Variants in PRDM8 observed in about 807,000 individuals in gnomAD.
The protein encoded by PRDM8 is PR domain zinc finger protein 8.
A neutral mutation model predicts 46.5 loss-of-function variants in PRDM8; 13 were observed. The ratio of observed to expected loss-of-function variants is 0.28; its 90% confidence interval spans 0.18 to 0.44. The LOEUF is 0.44. PRDM8 is among the 20% of genes least tolerant of loss of function. PRDM8 has a pLI of 1.00. For missense variants in PRDM8, 998 were observed against 955.0 expected (o/e 1.04, Z -0.59); for synonymous variants, 473 against 438.4 (o/e 1.08, Z -0.98).
chr4:80,193,795 T>TC (rs1176988699), upstream of PRDM8, among the ~76,000 whole-genome samples: 1 of 151,546 alleles, frequency 6.6e-6, no homozygotes, highest in South Asian at 2.1e-4. Context: ...GTGGGTTTTT[T>TC]CCCCCCCTTT....
intron 1 of PRDM8, among the ~76,000 whole-genome samples, chr4:80,189,193 G>A (rs1394201051): frequency 6.6e-6 from 1 of 152,208 alleles, no homozygotes; most frequent in East Asian, 1.9e-4. Context: ...CGGCGCTGGA[G>A]TTTACCATCA....
chr4:80,202,239 A>C lies in PRDM8; in HGVS notation c.777A>C (p.Thr259=). 1 of 1,609,914 alleles carries C rather than the reference A, an allele frequency of 6.2e-7. No individual in the cohort carries two copies. Among genetic ancestry groups the C allele is most frequent in the South Asian group, 1.1e-5 (1 of 90,964 alleles). Reference sequence around the variant, plus strand: ...GCGGCAGCAGCGCGAAGCCATCCACAGACTTCCACAACCTGGCCAGGGAGC... The same window carrying C: ...GCGGCAGCAGCGCGAAGCCATCCACCGACTTCCACAACCTGGCCAGGGAGC... ...AAGGSSAKPS[T]DFHNLARELE... is the part of the protein sequence containing the mutation. Residue 259 remains threonine, a synonymous_variant, in exon 4 of 4, where the codon ACA becomes ACC. Coordinates refer to ENST00000415738, the MANE Select transcript of PRDM8 (RefSeq NM_001099403.2).
rs1211529205 is a variant in PRDM8, at chr4:80,202,309, C to A, written c.847C>A (p.Leu283Ile). Residue 283 changes from leucine (L) to isoleucine (I), a missense_variant, in exon 4 of 4, where the codon CTC becomes ATC. By Grantham distance (5) the Leu-to-Ile change is conservative. Coordinates refer to ENST00000415738, the MANE Select transcript of PRDM8 (RefSeq NM_001099403.2). Reference sequence around the variant, plus strand: ...CAGCAGCTGCTCCCCAGCCCAGAGCCTCAGCAGCGGTAGCGGCAGCGGCGG... The same window carrying A: ...CAGCAGCTGCTCCCCAGCCCAGAGCATCAGCAGCGGTAGCGGCAGCGGCGG... ...GGSSCSPAQS[L>I]SSGSGSGGGG... The A allele has an allele frequency of 1.2e-6, 2 of 1,603,666 alleles. No homozygotes were observed. The highest frequency in any genetic ancestry group is 2.8e-5 in the African/African-American group (2 of 72,442).
intron 1 of PRDM8, among the ~76,000 whole-genome samples, chr4:80,186,750 T>C (rs1737125550): frequency 6.6e-6 from 1 of 152,236 alleles, no homozygotes; most frequent in African/African-American, 2.4e-5. Context: ...GCCCTTTAGA[T>C]GCCTCTTCCG....
At chr4:80,188,548 TCAAA>T (rs898669035) in intron 1 of PRDM8, among the ~76,000 whole-genome samples, 1 of 152,194 alleles carries the variant, frequency 6.6e-6, no homozygotes, top group African/African-American at 2.4e-5. Flanking sequence ...TGTAATTTGC[TCAAA>T]CACACAGGTA....
intron 1 of PRDM8, among the ~76,000 whole-genome samples, chr4:80,187,275 T>C (rs1265882696): frequency 6.9e-6 from 1 of 144,830 alleles, no homozygotes; most frequent in Non-Finnish European, 1.5e-5. Context: ...AATATCATCT[T>C]GAATGCTGTT....
rs762021094 is a variant in PRDM8 at position 80,203,139 on chromosome 4, C to G, written c.1677C>G (p.Cys559Trp). The G allele has an allele frequency of 1.3e-6, 2 of 1,555,884 alleles. No homozygotes were observed. Among genetic ancestry groups the G allele is most frequent in the Admixed American group, 1.9e-5 (1 of 53,892 alleles). ...LQGAADLNGG[C>W]GSLPSGGGGL... ...GGGCCGCGGACCTGAACGGAGGTTG[C>G]GGGTCCCTGCCGAGCGGCGGCGGCG... The change falls in exon 4 of 4, where the codon TGC becomes TGG. Residue 559 changes from cysteine (C) to tryptophan (W), a missense_variant. Coordinates refer to ENST00000415738, the MANE Select transcript of PRDM8 (RefSeq NM_001099403.2).
Position 80,200,152 on chromosome 4 carries a change from T to G in PRDM8, c.72T>G (p.Asp24Glu). The change falls in exon 2 of 4, where the codon GAT becomes GAG. Residue 24 changes from aspartate to glutamate, a missense_variant. Coordinates refer to ENST00000415738, the MANE Select transcript of PRDM8 (RefSeq NM_001099403.2). The part of the protein sequence containing the change: ...DAKAVQQCLT[D>E]IFTSVYTTCD... ...AGGCTGTCCAACAATGTCTGACAGATATTTTTACCAGCGTTTACACCACCT... is the reference window on the plus strand; with the variant it reads ...AGGCTGTCCAACAATGTCTGACAGAGATTTTTACCAGCGTTTACACCACCT... The G allele has an allele frequency of 6.2e-7, 1 of 1,614,170 alleles. No individual in the cohort carries two copies.
In PRDM8 at chr4:80,201,928, A is replaced by G. The variant is rs772607025; in HGVS notation, c.466A>G (p.Thr156Ala). The G allele has an allele frequency of 1.2e-6, 2 of 1,613,928 alleles. No homozygotes were observed. The highest frequency in any genetic ancestry group is 1.7e-5 in the Admixed American group (1 of 60,002). Residue 156 changes from threonine (T) to alanine (A), a missense_variant, in exon 4 of 4, where the codon ACA (threonine) becomes GCA (alanine). Physicochemically the swap from Thr to Ala is moderately conservative, Grantham distance 58. Transcript: ENST00000415738. The stretch of plus-strand genomic sequence containing the variant: ...TCACTAAGCAGGGTCGTCCCCTTAC[A>G]CATGCCTGGAATGCAGCCAACGTTT... ...HNKMNGSSPY[T>A]CLECSQRFQF...
chr4:80,195,235 C>A (rs953099113), upstream of PRDM8, among the ~76,000 whole-genome samples: 1 of 152,146 alleles, frequency 6.6e-6, no homozygotes, highest in East Asian at 1.9e-4. Flanking sequence ...CCTCACACAC[C>A]ATATTGCATT....
intron 1 of PRDM8, among the ~76,000 whole-genome samples, chr4:80,186,571 T>G (rs952101593): frequency 6.6e-6 from 1 of 152,078 alleles, no homozygotes; most frequent in East Asian, 1.9e-4. Context: ...GTCTCCTCTT[T>G]TCTCCCTTCA....
At chr4:80,196,594 C>T, upstream of PRDM8, 7 of 985,424 alleles carry the variant, frequency 7.1e-6, no homozygotes, top group Non-Finnish European at 8.4e-6. Context: ...TTTCCGGAGC[C>T]CATCTTGGTA....
upstream of PRDM8, chr4:80,197,082 C>A (rs1738014565): frequency 2.0e-6 from 2 of 985,360 alleles, no homozygotes; most frequent in East Asian, 1.1e-4. Context: ...GAGCTAACCG[C>A]ACCCCTCTCC....
In PRDM8 at chr4:80,203,241, T is replaced by TGCGGCG. The variant is rs770253118; in HGVS notation, c.1785_1790dup (p.Ala597_Ala598dup). Reference sequence around the variant, plus strand: ...GCTCCGCTGCCGCTGCAGCCGCGGCTGCGGCGGCGGCCGCGGGGCCCTTGC... The same window carrying TGCGGCG: ...GCTCCGCTGCCGCTGCAGCCGCGGCTGCGGCGGCGGCGGCGGCCGCGGGGCCCTTGC... On this transcript the variant is annotated inframe_insertion, in exon 4 of 4. Transcript: ENST00000415738. 1.9e-6 allele frequency: 3 copies of TGCGGCG among 1,550,648 alleles called. No homozygotes were observed. The highest frequency in any genetic ancestry group is 2.6e-6 in the Non-Finnish European group (3 of 1,151,054).
chr4:80,186,029 C>A (rs908279801), intron 1 of PRDM8, among the ~76,000 whole-genome samples: 2 of 152,112 alleles, frequency 1.3e-5, no homozygotes. Flanking sequence ...AAGGAAAAGG[C>A]GCGCGGTACT....
intron 1 of PRDM8, among the ~76,000 whole-genome samples, chr4:80,190,833 T>C (rs1384071491): frequency 1.3e-5 from 2 of 152,198 alleles, no homozygotes; most frequent in African/African-American, 4.8e-5. Flanking sequence ...ATGAAACTCG[T>C]TGCATTCGGT....
rs926214193 is a variant in PRDM8 at position 80,203,053 on chromosome 4, G to A, written c.1591G>A (p.Gly531Ser). Residue 531 changes from glycine (G) to serine (S), a missense_variant, in exon 4 of 4, where the codon GGC becomes AGC. By Grantham distance (56) the Gly-to-Ser change is moderately conservative. Coordinates refer to ENST00000415738, the MANE Select transcript of PRDM8 (RefSeq NM_001099403.2). ...GCTCGAGCCATGCCACCCCGCCGAC[G>A]GCGTGGGCCCCACCAGACTCTATCC... ...GALEPCHPAD[G>S]VGPTRLYPAA... 2.6e-6 allele frequency: 4 copies of A among 1,558,262 alleles called. No individual in the cohort carries two copies. Among genetic ancestry groups the A allele is most frequent in the Non-Finnish European group, 3.4e-6 (4 of 1,161,886 alleles).
chr4:80,188,311 C>G (rs1323986390), intron 1 of PRDM8, among the ~76,000 whole-genome samples: 1 of 152,208 alleles, frequency 6.6e-6, no homozygotes, highest in Non-Finnish European at 1.5e-5. Flanking sequence ...CCTCATCACA[C>G]TTAATTCTTA....
At chr4:80,193,173 A>T (rs1737679883), upstream of PRDM8, among the ~76,000 whole-genome samples, 1 of 152,162 alleles carries the variant, frequency 6.6e-6, no homozygotes, top group African/African-American at 2.4e-5. Flanking sequence ...GTCCTTCCTC[A>T]CAGGCTACAA....
Sources: allele counts gnomAD v4.1 joint callset (sites outside exome capture counted in the v4.1 genomes callset), GRCh38; gene constraint gnomAD v4.1.1; transcripts MANE v1.5; gene names NCBI Gene and HGNC (gene_info 2026-07-23, HGNC 2026-07-21).